The following ARHGAP32 variants were observed in gnomAD, a reference collection of about 807,000 sequenced individuals.
ARHGAP32 encodes rho GTPase-activating protein 32.
ARHGAP32 carries 51 observed loss-of-function variants against 186.5 expected under a neutral mutation model. The observed-to-expected ratio is 0.27, with a 90% confidence interval of 0.22 to 0.35. ARHGAP32 has a LOEUF of 0.35. ARHGAP32 is among the 10% of genes least tolerant of loss of function. The pLI is 1.00. For missense variants in ARHGAP32, 2,186 were observed against 2,623.5 expected, an observed-to-expected ratio of 0.83 and a Z score of 3.64; for synonymous variants, 950 against 964.3, an observed-to-expected ratio of 0.99 and a Z score of 0.27.
intron 5 of ARHGAP32, among the ~76,000 whole-genome samples, chr11:129,114,420 A>G (rs1476448892): frequency 2.0e-5 from 3 of 152,042 alleles, no homozygotes; most frequent in Admixed American, 2.0e-4. Context: ...TTTCTCTTAA[A>G]CTTATTGGTA....
chr11:129,207,054 A>T (rs888767225), intron 1 of ARHGAP32, among the ~76,000 whole-genome samples: 1 of 152,068 alleles, frequency 6.6e-6, no homozygotes, highest in Non-Finnish European at 1.5e-5. Context: ...GGTTTCCAGC[A>T]TCATCCATGT....
intron 2 of ARHGAP32, among the ~76,000 whole-genome samples, chr11:129,158,828 C>A (rs192718254): frequency 2.1e-4 from 32 of 152,240 alleles, no homozygotes; most frequent in African/African-American, 7.0e-4. Flanking sequence ...CACTCCTCAG[C>A]AAATGCAAAA....
At chr11:129,146,678 C>T (rs1307727398) in intron 2 of ARHGAP32, among the ~76,000 whole-genome samples, 7 of 151,742 alleles carry the variant, frequency 4.6e-5, no homozygotes, top group African/African-American at 1.7e-4. Flanking sequence ...AAGGATAGAG[C>T]CCCATTTTAG....
Position 128,968,922 on chromosome 11 carries a change from C to G in ARHGAP32, c.6291G>C (p.Gln2097His), listed in dbSNP as rs752552867. 6.5e-7 allele frequency: 1 copy of G among 1,533,696 alleles called. No homozygotes were observed. Among genetic ancestry groups the G allele is most frequent in the Non-Finnish European group, 8.8e-7 (1 of 1,135,080 alleles). ...AELSLQHPETQIHAE is the reference protein window; with the variant it reads ...AELSLQHPETHIHAE The stretch of plus-strand genomic sequence containing the variant: ...CTCGCAGGGCTCATTCTGCATGGAT[C>G]TGTGTTTCAGGATGCTGCAAGGACA... Residue 2097 changes from glutamine to histidine, a missense_variant, in exon 23 of 23, where the codon CAG becomes CAC. Gln to His is a conservative substitution (Grantham distance 24). Transcript: ENST00000682385.
intron 10 of ARHGAP32, among the ~76,000 whole-genome samples, chr11:129,050,975 C>T (rs1940018482): frequency 6.6e-6 from 1 of 152,158 alleles, no homozygotes; most frequent in South Asian, 2.1e-4. Flanking sequence ...ATGAACCCAT[C>T]CTTTTTTTAT....
chr11:129,134,788 T>G (rs1565439120), intron 2 of ARHGAP32, among the ~76,000 whole-genome samples: 1 of 152,192 alleles, frequency 6.6e-6, no homozygotes, highest in Non-Finnish European at 1.5e-5. Flanking sequence ...TTAGTGCCCT[T>G]ATAAAAGAGG....
intron 11 of ARHGAP32, among the ~76,000 whole-genome samples, chr11:129,004,699 T>C (rs1463351965): frequency 6.6e-6 from 1 of 152,166 alleles, no homozygotes. Flanking sequence ...CTGCTCTTTT[T>C]TGGTTTCCAT....
At chr11:129,208,969 C>CA (rs977992238) in intron 1 of ARHGAP32, among the ~76,000 whole-genome samples, 2 of 151,990 alleles carry the variant, frequency 1.3e-5, no homozygotes, top group Admixed American at 6.6e-5. Flanking sequence ...AGCTTAATAA[C>CA]AAAAACAGTT....
intron 21 of ARHGAP32, chr11:128,973,730 T>A: frequency 1.9e-6 from 1 of 538,892 alleles, no homozygotes; most frequent in South Asian, 2.7e-5. Flanking sequence ...GAAAACAAGC[T>A]TCAAGTGCTT....
At chr11:129,229,314 A>T (rs1944827289) in intron 1 of ARHGAP32, among the ~76,000 whole-genome samples, 1 of 152,308 alleles carries the variant, frequency 6.6e-6, no homozygotes, top group East Asian at 1.9e-4. Flanking sequence ...CAATTTATTT[A>T]TAATTAAGGC....
chr11:129,277,639 C>G (rs1458491327), intron 1 of ARHGAP32, among the ~76,000 whole-genome samples: 1 of 152,128 alleles, frequency 6.6e-6, no homozygotes, highest in African/African-American at 2.4e-5. Flanking sequence ...GACCACGGTA[C>G]GAAGATAACT....
At chr11:129,132,480 A>G (rs11603413) in intron 2 of ARHGAP32, among the ~76,000 whole-genome samples, 55,179 of 147,900 alleles carry the variant, frequency 0.37, 10,335 homozygotes, top group South Asian at 0.53. Context: ...CAGGGGGAGA[A>G]AAAAAAAAAA....
intron 1 of ARHGAP32, among the ~76,000 whole-genome samples, chr11:129,246,611 A>G (rs2135679015): frequency 6.6e-6 from 1 of 152,300 alleles, no homozygotes; most frequent in South Asian, 2.1e-4. Context: ...GCAATACTTA[A>G]CCTTTACGCG....
chr11:129,117,988 C>T (rs1468154868), intron 5 of ARHGAP32, among the ~76,000 whole-genome samples: 4 of 151,906 alleles, frequency 2.6e-5, no homozygotes, highest in Non-Finnish European at 5.9e-5. Context: ...CTACATGTGG[C>T]TTTACTTAAA....
intron 11 of ARHGAP32, among the ~76,000 whole-genome samples, chr11:129,016,235 C>A (rs1386216745): frequency 1.3e-5 from 2 of 152,008 alleles, no homozygotes; most frequent in Non-Finnish European, 2.9e-5. Context: ...CTTTTTCTTA[C>A]TGATGAATAA....
At chr11:129,147,584 C>T (rs1236502440) in intron 2 of ARHGAP32, among the ~76,000 whole-genome samples, 1 of 152,062 alleles carries the variant, frequency 6.6e-6, no homozygotes, top group Admixed American at 6.6e-5. Flanking sequence ...TGGAACTTGC[C>T]TTATAGAAAA....
intron 12 of ARHGAP32, among the ~76,000 whole-genome samples, chr11:128,996,161 T>C (rs949772935): frequency 2.0e-5 from 3 of 152,216 alleles, no homozygotes; most frequent in African/African-American, 7.2e-5. Flanking sequence ...AAATGGTATT[T>C]CAAAATCGCC....
intron 1 of ARHGAP32, among the ~76,000 whole-genome samples, chr11:129,278,727 C>A (rs1945567748): frequency 6.6e-6 from 1 of 151,800 alleles, no homozygotes; most frequent in South Asian, 2.1e-4. Context: ...GCGGGACCCG[C>A]GATGTCGCCC....
chr11:129,196,608 T>C (rs1312584091), upstream of ARHGAP32, among the ~76,000 whole-genome samples: 1 of 152,202 alleles, frequency 6.6e-6, no homozygotes. Context: ...GAGCACTGAC[T>C]CTATATGCCA....
Sources: allele counts gnomAD v4.1 joint callset (sites outside exome capture counted in the v4.1 genomes callset), GRCh38; gene constraint gnomAD v4.1.1; transcripts MANE v1.5; gene names NCBI Gene and HGNC (gene_info 2026-07-23, HGNC 2026-07-21).